Variants in PRKN observed in about 807,000 individuals in gnomAD.
PRKN encodes the protein parkin RBR E3 ubiquitin protein ligase, also known as E3 ubiquitin-protein ligase parkin.
A neutral mutation model predicts 59.5 loss-of-function variants in PRKN; 56 were observed. The observed-to-expected ratio is 0.94, with a 90% confidence interval of 0.76 to 1.18. The LOEUF (loss-of-function observed/expected upper bound fraction) is 1.18, where lower values mean the gene tolerates loss of function less well. Among genes scored for constraint, PRKN ranks in the 50% most tolerant of loss-of-function variants. PRKN has a pLI of 0.00. For missense variants in PRKN, 657 were observed against 596.4 expected (o/e 1.10, Z -1.06); for synonymous variants, 250 against 222.1 (o/e 1.13, Z -1.12).
intron 2 of PRKN, among the ~76,000 whole-genome samples, chr6:162,362,639 T>A (rs1046925380): frequency 1.3e-5 from 2 of 152,076 alleles, no homozygotes; most frequent in Admixed American, 6.6e-5. Context: ...ATGGGAGACA[T>A]TGTAAATATT....
chr6:162,368,306 T>C (rs1480631749), intron 2 of PRKN, among the ~76,000 whole-genome samples: 1 of 152,112 alleles, frequency 6.6e-6, no homozygotes, highest in African/African-American at 2.4e-5. Context: ...TTTAGAGCAG[T>C]TACCAGGAGA....
At chr6:162,325,136 T>C (rs948822213) in intron 2 of PRKN, among the ~76,000 whole-genome samples, 19 of 64,150 alleles carry the variant, frequency 3.0e-4, no homozygotes, top group African/African-American at 9.2e-4. Flanking sequence ...ACAACTTTAT[T>C]AGTGCTAGAG....
At chr6:161,794,623 T>C (rs1389318141) in intron 6 of PRKN, among the ~76,000 whole-genome samples, 1 of 152,020 alleles carries the variant, frequency 6.6e-6, no homozygotes, top group Non-Finnish European at 1.5e-5. Context: ...ATTCACCCTA[T>C]GGAATGTCTT....
chr6:162,091,931 G>A (rs553439013), intron 4 of PRKN, among the ~76,000 whole-genome samples: 192 of 152,270 alleles, frequency 1.3e-3, no homozygotes, highest in African/African-American at 4.4e-3. Flanking sequence ...AGCTAGTTGG[G>A]AGGCTGAGGT....
chr6:162,211,199 C>T (rs181216611), intron 3 of PRKN, among the ~76,000 whole-genome samples: 1 of 152,156 alleles, frequency 6.6e-6, no homozygotes, highest in South Asian at 2.1e-4. Context: ...ACACACAGAT[C>T]GGCAATTATG....
At chr6:162,301,933 C>G (rs997357856) in intron 2 of PRKN, among the ~76,000 whole-genome samples, 1 of 152,084 alleles carries the variant, frequency 6.6e-6, no homozygotes. Flanking sequence ...CAACTACCTA[C>G]GCAATATTCT....
chr6:161,575,888 G>T lies in PRKN; in HGVS notation c.872-6472C>A, dbSNP rs1204158947. 6.6e-6 allele frequency among the ~76,000 whole-genome samples: 1 copy of T among 152,134 alleles called. No homozygotes were observed. Among genetic ancestry groups the T allele is most frequent in the Non-Finnish European group, 1.5e-5 (1 of 68,030 alleles). Reference sequence around the variant, plus strand: ...AAAGGAAACCGACTAACGACAAAATGGCATCAAAAATAAATGAAGATTCAA... The same window carrying T: ...AAAGGAAACCGACTAACGACAAAATTGCATCAAAAATAAATGAAGATTCAA... On this transcript the variant is annotated intron_variant, in intron 7 of 11. Transcript: ENST00000366898. This position sits in a 1 kb window ranked among gnomAD's most constrained non-coding sequence, Gnocchi z 4.6.
In PRKN at chr6:161,396,960, A is replaced by G. The variant is rs1315453299; in HGVS notation, c.1084-10083T>C. Among the ~76,000 whole-genome samples the G allele has an allele frequency of 6.6e-6, 1 of 152,228 alleles. No individual in the cohort carries two copies. The highest frequency in any genetic ancestry group is 1.5e-5 in the Non-Finnish European group (1 of 68,040). Reference sequence around the variant, plus strand: ...CAATCAATCAATCAGTCAAAATGATACATTAACCCTTTATTGTATGTTGAG... The same window carrying G: ...CAATCAATCAATCAGTCAAAATGATGCATTAACCCTTTATTGTATGTTGAG... On this transcript the variant is annotated intron_variant, in intron 9 of 11. Coordinates refer to ENST00000366898, the MANE Select transcript of PRKN (RefSeq NM_004562.3). This position sits in a 1 kb window ranked among gnomAD's most constrained non-coding sequence, Gnocchi z 5.4.
At chr6:161,351,636 T>C (rs892614277) in intron 11 of PRKN, among the ~76,000 whole-genome samples, 2 of 152,104 alleles carry the variant, frequency 1.3e-5, no homozygotes, top group Non-Finnish European at 2.9e-5. Context: ...GCATATTATT[T>C]TTAATAGGGA....
At chr6:162,317,359 T>C (rs1329411614) in intron 2 of PRKN, among the ~76,000 whole-genome samples, 1 of 152,092 alleles carries the variant, frequency 6.6e-6, no homozygotes, top group African/African-American at 2.4e-5. Flanking sequence ...CTCTCCTGCC[T>C]GTCTCCATGT....
At chr6:161,943,713 G>A (rs1293050655) in intron 6 of PRKN, among the ~76,000 whole-genome samples, 1 of 151,736 alleles carries the variant, frequency 6.6e-6, no homozygotes, top group African/African-American at 2.4e-5. Context: ...ATCAGCCTGA[G>A]GGATCAGCCT....
chr6:161,791,493 A>C (rs986793340), intron 6 of PRKN, among the ~76,000 whole-genome samples: 1 of 152,184 alleles, frequency 6.6e-6, no homozygotes, highest in South Asian at 2.1e-4. Context: ...CCTCCTTCAC[A>C]CACTCTCTGG....
chr6:161,556,192 T>G (rs887235827), intron 8 of PRKN, among the ~76,000 whole-genome samples: 32 of 152,216 alleles, frequency 2.1e-4, no homozygotes, highest in Admixed American at 3.9e-4. Context: ...TAAAAATTAT[T>G]GTTATTTATT....
chr6:162,049,880 T>G (rs557575145), intron 5 of PRKN, among the ~76,000 whole-genome samples: 17 of 152,302 alleles, frequency 1.1e-4, no homozygotes, highest in African/African-American at 4.1e-4. Flanking sequence ...GGACGCGTCC[T>G]TCCTAAGCTT....
intron 5 of PRKN, among the ~76,000 whole-genome samples, chr6:162,010,150 G>A (rs1320822692): frequency 6.8e-6 from 1 of 146,542 alleles, no homozygotes; most frequent in African/African-American, 2.6e-5. Context: ...GCTCGTGTTA[G>A]CACAGGGAGA....
chr6:161,923,343 C>T (rs1419840574), intron 6 of PRKN, among the ~76,000 whole-genome samples: 1 of 152,092 alleles, frequency 6.6e-6, no homozygotes, highest in Non-Finnish European at 1.5e-5. Context: ...ATTAACTGGG[C>T]ATGGTGGCAC....
At chr6:161,816,433 A>AT (rs1791784059) in intron 6 of PRKN, among the ~76,000 whole-genome samples, 2 of 152,116 alleles carry the variant, frequency 1.3e-5, no homozygotes, top group African/African-American at 4.8e-5. Context: ...ACTGACTGTG[A>AT]TAGTGGTCTT....
chr6:161,657,294 T>C (rs939298974), intron 7 of PRKN, among the ~76,000 whole-genome samples: 3 of 152,228 alleles, frequency 2.0e-5, no homozygotes, highest in African/African-American at 7.2e-5. Context: ...TCTGGGACAG[T>C]CTTCTCTCTG....
At chr6:162,445,204 C>A (rs2128168463) in intron 1 of PRKN, among the ~76,000 whole-genome samples, 1 of 152,212 alleles carries the variant, frequency 6.6e-6, no homozygotes, top group South Asian at 2.1e-4. Context: ...TCTAAGCCTC[C>A]CAGTGATCTG....
Sources: gnomAD v4.1 joint callset for allele counts (sites outside exome capture counted in the v4.1 genomes callset) on GRCh38, gnomAD v4.1.1 for gene constraint, Gnocchi (gnomAD v3.1) non-coding constraint, MANE v1.5 for transcripts, NCBI Gene and HGNC (gene_info 2026-07-23, HGNC 2026-07-21) for gene names.